Variants in ASTN2 observed in about 807,000 individuals in gnomAD.
ASTN2 encodes astrotactin 2.
A neutral mutation model predicts 139.8 loss-of-function variants in ASTN2; 54 were observed. The ratio of observed to expected loss-of-function variants is 0.39; its 90% CI spans 0.31 to 0.48. The LOEUF (loss-of-function observed/expected upper bound fraction) is 0.48, where lower values mean the gene tolerates loss of function less well. ASTN2 is among the 20% of genes least tolerant of loss of function. The pLI, the probability that ASTN2 is intolerant of heterozygous loss-of-function variation, is 0.95. For missense variants in ASTN2, 1,565 were observed against 1,725.1 expected, an observed-to-expected ratio of 0.91 and a Z score of 1.64; for synonymous variants, 756 against 719.5, an observed-to-expected ratio of 1.05 and a Z score of -0.81.
At chr9:117,392,888 G>T (rs1375526374) in intron 1 of ASTN2, among the ~76,000 whole-genome samples, 1 of 152,166 alleles carries the variant, frequency 6.6e-6, no homozygotes, top group Non-Finnish European at 1.5e-5. Context: ...ACAGGAATAA[G>T]ACACTCAGGT....
At chr9:117,222,260 G>T (rs1210082477) in intron 2 of ASTN2, among the ~76,000 whole-genome samples, 1 of 152,136 alleles carries the variant, frequency 6.6e-6, no homozygotes, top group Non-Finnish European at 1.5e-5. Context: ...GGATAACCTT[G>T]TCTCGAACGT....
chr9:116,744,938 G>C (rs1829194457), intron 13 of ASTN2, among the ~76,000 whole-genome samples: 1 of 152,114 alleles, frequency 6.6e-6, no homozygotes. Context: ...ACTTCAAGCA[G>C]GCCAAGTCAC....
chr9:117,148,120 C>T (rs1830244542), intron 3 of ASTN2, among the ~76,000 whole-genome samples: 1 of 152,194 alleles, frequency 6.6e-6, no homozygotes, highest in African/African-American at 2.4e-5. Context: ...CACTGCAGAA[C>T]TGTACTAAGA....
chr9:117,076,800 T>A (rs1173489333), intron 5 of ASTN2, among the ~76,000 whole-genome samples: 2 of 152,174 alleles, frequency 1.3e-5, no homozygotes, highest in Non-Finnish European at 2.9e-5. Context: ...CTCTTTAACA[T>A]CCCTGGCCAT....
At chr9:117,190,735 T>C (rs1831322506) in intron 3 of ASTN2, among the ~76,000 whole-genome samples, 1 of 152,164 alleles carries the variant, frequency 6.6e-6, no homozygotes, top group South Asian at 2.1e-4. Flanking sequence ...TCATCTCCTG[T>C]AGATCAGTTT....
intron 16 of ASTN2, among the ~76,000 whole-genome samples, chr9:116,685,781 AT>A (rs1002423648): frequency 2.0e-4 from 30 of 148,712 alleles, no homozygotes; most frequent in East Asian, 1.4e-3. Context: ...GAGAAGAGAG[AT>A]TTTTTTTTTT....
intron 4 of ASTN2, among the ~76,000 whole-genome samples, chr9:117,119,151 A>G (rs7037535): frequency 0.074 from 11,204 of 152,278 alleles, 696 homozygotes; most frequent in East Asian, 0.18. Context: ...AAAGCTAAAC[A>G]GTAGAAAGAA....
intron 1 of ASTN2, among the ~76,000 whole-genome samples, chr9:117,327,880 C>T (rs151066082): frequency 8.8e-4 from 134 of 152,298 alleles, no homozygotes; most frequent in East Asian, 1.2e-3. Flanking sequence ...TACTCTTTGA[C>T]GGCAGGGTTT....
At chr9:117,393,765 G>A (rs1410256230) in intron 1 of ASTN2, among the ~76,000 whole-genome samples, 1 of 152,142 alleles carries the variant, frequency 6.6e-6, no homozygotes, top group Non-Finnish European at 1.5e-5. Context: ...GAGGTGGAAT[G>A]GGCAGGCTCT....
At chr9:116,459,944 T>A (rs563746167) in intron 20 of ASTN2, among the ~76,000 whole-genome samples, 81 of 152,126 alleles carry the variant, frequency 5.3e-4, no homozygotes, top group Middle Eastern at 3.4e-3. Flanking sequence ...ACAGAAAGAC[T>A]TGCATAAAAA....
chr9:117,253,639 T>G (rs1227511450), intron 2 of ASTN2, among the ~76,000 whole-genome samples: 4 of 152,200 alleles, frequency 2.6e-5, no homozygotes, highest in Non-Finnish European at 5.9e-5. Flanking sequence ...AAGCAGGGAT[T>G]ACCTGCTCCA....
chr9:116,801,310 G>T (rs972220890), intron 13 of ASTN2, among the ~76,000 whole-genome samples: 7 of 152,044 alleles, frequency 4.6e-5, no homozygotes, highest in Admixed American at 3.3e-4. Flanking sequence ...CGGCTGGGCG[G>T]GGTGGCTCAC....
intron 4 of ASTN2, among the ~76,000 whole-genome samples, chr9:117,096,406 G>T (rs563013906): frequency 6.6e-6 from 1 of 152,278 alleles, no homozygotes; most frequent in Non-Finnish European, 1.5e-5. Flanking sequence ...CCTGGGTTCT[G>T]TCTCTCTAAA....
rs986162576 is a variant in ASTN2, at chr9:117,222,455, G to A, written c.631-7713C>T. 4.0e-5 allele frequency among the ~76,000 whole-genome samples: 6 copies of A among 151,882 alleles called. No individual in the cohort carries two copies. In the East Asian group the frequency reaches 5.8e-4, roughly 15 times the overall value. On this transcript the variant is annotated intron_variant, in intron 2 of 22. Transcript: ENST00000313400. ...AGACTTGTCAGAGTACGTGGAGCCT[G>A]AGCCTCCTTTCCCACTAGCTCTGTC...
At position 116,699,272 on chromosome 9, in the gene ASTN2, A is replaced by T. The variant is rs145728860; in HGVS notation, c.2806+26499T>A. On this transcript the variant is annotated intron_variant, in intron 16 of 22. Transcript: ENST00000313400. The surrounding 1 kb of genome is among the most constrained non-coding windows in gnomAD (Gnocchi z 4.2). ...CAGGGGTGGTCAAATACAGCTGCCT[A>T]TGTAGTGCTGTGCGGCCCAAATTTG... 6.2e-7 allele frequency: 1 copy of T among 1,614,052 alleles called. No individual in the cohort carries two copies. The highest frequency in any genetic ancestry group is 8.5e-7 in the Non-Finnish European group (1 of 1,180,044).
chr9:117,197,681 T>G (rs1831551880), intron 3 of ASTN2, among the ~76,000 whole-genome samples: 1 of 152,202 alleles, frequency 6.6e-6, no homozygotes, highest in Non-Finnish European at 1.5e-5. Flanking sequence ...GAATATAAAT[T>G]AAATAAAACA....
rs763345262 is a variant in ASTN2 at position 116,860,362 on chromosome 9, T to C, written c.2040+3221A>G. Among the ~76,000 whole-genome samples, 7 of 152,252 alleles carry C rather than the reference T, an allele frequency of 4.6e-5. 1 individual carries two copies. The South Asian group carries it at 8.3e-4, about 18-fold the overall frequency. On this transcript the variant is annotated intron_variant, in intron 11 of 22. Transcript: ENST00000313400. ...CCACTACATACAAATATCAGTAATGTGGTCTCCTTATCTCACTCATAAATG... is the reference window on the plus strand; with the variant it reads ...CCACTACATACAAATATCAGTAATGCGGTCTCCTTATCTCACTCATAAATG...
intron 4 of ASTN2, among the ~76,000 whole-genome samples, chr9:117,120,347 C>A (rs568430845): frequency 1.1e-4 from 16 of 152,104 alleles, no homozygotes; most frequent in African/African-American, 3.9e-4. Context: ...ATTCACCAAC[C>A]AAAGGAGAGC....
chr9:116,615,453 T>C (rs1855794838), intron 19 of ASTN2, among the ~76,000 whole-genome samples: 1 of 151,996 alleles, frequency 6.6e-6, no homozygotes, highest in Non-Finnish European at 1.5e-5. Context: ...CTATTCACAA[T>C]AGCAAAGACT....
Sources: allele counts gnomAD v4.1 joint callset (sites outside exome capture counted in the v4.1 genomes callset), GRCh38; gene constraint gnomAD v4.1.1; non-coding constraint Gnocchi (gnomAD v3.1); transcripts MANE v1.5; gene names NCBI Gene and HGNC (gene_info 2026-07-23, HGNC 2026-07-21).